The following PABIR2 variants were observed in gnomAD, a reference collection of about 807,000 sequenced individuals.
The protein encoded by PABIR2 is PABIR family member 2.
PABIR2 carries 7 observed loss-of-function variants against 22.8 expected under a neutral mutation model. That is an observed-to-expected ratio of 0.31 (90% confidence interval 0.17 to 0.58). The LOEUF (loss-of-function observed/expected upper bound fraction) is 0.58. PABIR2 is among the 20% of genes least tolerant of loss of function. PABIR2 has a pLI of 0.89. For missense variants in PABIR2, 155 were observed against 205.1 expected (o/e 0.76, Z 1.49); for synonymous variants, 67 against 73.8 (o/e 0.91, Z 0.47).
intron 1 of PABIR2, 86 bp from the exon 2 acceptor site, chrX:134,793,979 A>G (rs752056562): frequency 1.5e-5 from 17 of 1,136,952 alleles, no homozygotes; most frequent in Non-Finnish European, 2.0e-5. Context: ...CATTAGCATC[A>G]GTTATCTAGT....
chrX:134,796,480 G>T lies in PABIR2; in HGVS notation c.-275C>A. The T allele has an allele frequency of 3.2e-6, 1 of 309,153 alleles. No individual in the cohort carries two copies. Among genetic ancestry groups the T allele is most frequent in the Non-Finnish European group, 5.7e-6 (1 of 174,245 alleles). The allele number at this position is 309,153 out of a possible 1,213,427, so 25.5% of individuals were successfully genotyped here. A position where few individuals can be genotyped will look rare whatever the true frequency, so the allele number is the denominator to read the frequency against. On this transcript the variant is annotated 5_prime_UTR_variant, in exon 1 of 10. Transcript: ENST00000343004. Reference sequence around the variant, plus strand: ...TGGAAGGTGACAGAATGAAGGAAAAGGATGAAGGAAAGAAGGATGGAGGGA... The same window carrying T: ...TGGAAGGTGACAGAATGAAGGAAAATGATGAAGGAAAGAAGGATGGAGGGA...
In PABIR2 at chrX:134,796,149, G is replaced by T; in HGVS notation, c.57C>A (p.Thr19=). ...GGGGAGCGCTGCTGGATCTCCTCAGGGTTCCCCCATAAGATGTGTCAGGCT... is the reference window on the plus strand; with the variant it reads ...GGGGAGCGCTGCTGGATCTCCTCAGTGTTCCCCCATAAGATGTGTCAGGCT... ...DLEPDTSYGG[T]LRRSSSAPLI... is the part of the protein sequence containing the mutation. Residue 19 remains threonine, a synonymous_variant, in exon 1 of 10, where the codon ACC becomes ACA. Transcript: ENST00000343004. 1 of 1,210,786 alleles carries T rather than the reference G, an allele frequency of 8.3e-7. No homozygotes were observed. The highest frequency in any genetic ancestry group is 3.0e-5 in the East Asian group (1 of 33,781).
chrX:134,781,667 T>A (rs1312778314), intron 9 of PABIR2, among the ~76,000 whole-genome samples, 154 bp downstream of exon 9: 1 of 111,879 alleles, frequency 8.9e-6, no homozygotes, highest in Non-Finnish European at 1.9e-5. Flanking sequence ...ATCTGTTTTA[T>A]AATATTGTCA....
chrX:134,789,535 T>A, intron 3 of PABIR2, 45 bp downstream of exon 3: 3 of 1,107,067 alleles, frequency 2.7e-6, no homozygotes, highest in Non-Finnish European at 3.6e-6. Flanking sequence ...AATAAAAATG[T>A]AAAATCCAAA....
chrX:134,776,635 G>GA (rs1245894383), intron 9 of PABIR2, among the ~76,000 whole-genome samples: 1 of 109,843 alleles, frequency 9.1e-6, no homozygotes, highest in Admixed American at 9.7e-5. Context: ...GAAAAGAAAA[G>GA]AAAAGAAAAA....
intron 9 of PABIR2, among the ~76,000 whole-genome samples, chrX:134,777,029 G>A (rs985538780): frequency 8.9e-6 from 1 of 112,202 alleles, no homozygotes; most frequent in Non-Finnish European, 1.9e-5. Flanking sequence ...CAGTCAATAA[G>A]CTGGGTTCTA....
In PABIR2 at chrX:134,788,811, C is replaced by T. The variant is rs758668432; in HGVS notation, c.354G>A (p.Lys118=). 2 of 1,207,797 alleles carry T rather than the reference C, an allele frequency of 1.7e-6. No individual in the cohort carries two copies. The highest frequency in any genetic ancestry group is 4.4e-5 in the Admixed American group (2 of 45,671). The change falls in exon 6 of 10, where the codon AAG becomes AAA. Residue 118 remains lysine, a synonymous_variant. Coordinates refer to ENST00000343004, the MANE Select transcript of PABIR2 (RefSeq NM_001387468.1). The stretch of plus-strand genomic sequence containing the variant: ...TCTTAGGAGAATATAATTTCTCCGG[C>T]TTGTCAAAATCACTGTCACTCTGTA... The part of the protein sequence containing the change: ...SLSLSDSDFD[K]PEKLYSPKRI...
At chrX:134,789,002 G>A (rs1274354309) in intron 5 of PABIR2, 83 bp downstream of exon 5, 5 of 1,126,385 alleles carry the variant, frequency 4.4e-6, no homozygotes, top group South Asian at 1.9e-5. Flanking sequence ...GGGGAAAGAA[G>A]TGTGCGAAAA....
In PABIR2 at chrX:134,771,173, C is replaced by T; in HGVS notation, c.*966G>A. 1 of 589,467 alleles carries T rather than the reference C, an allele frequency of 1.7e-6. No homozygotes were observed. Among genetic ancestry groups the T allele is most frequent in the Non-Finnish European group, 2.4e-6 (1 of 411,635 alleles). 48.6% of individuals were successfully genotyped at this position (589,467 alleles called of 1,213,427 possible). A position where few individuals can be genotyped will look rare whatever the true frequency, so the allele number is the denominator to read the frequency against. ...CTCTTCCACCATACCTTATGATATA[C>T]ATCCCTTATAGCATGACAATGTACC... On this transcript the variant is annotated 3_prime_UTR_variant, in exon 10 of 10. Transcript: ENST00000343004.
intron 9 of PABIR2, among the ~76,000 whole-genome samples, chrX:134,778,302 C>T (rs1317555791): frequency 1.9e-5 from 2 of 103,467 alleles, no homozygotes; most frequent in South Asian, 4.5e-4. Context: ...GTCAGGAGTT[C>T]GATACCAGCC....
At chrX:134,774,949 C>G (rs2078928942) in intron 9 of PABIR2, among the ~76,000 whole-genome samples, 1 of 112,137 alleles carries the variant, frequency 8.9e-6, no homozygotes, top group African/African-American at 3.2e-5. Flanking sequence ...AGCAACATCA[C>G]TGCACAAAAG....
chrX:134,775,326 C>T lies in PABIR2; in HGVS notation c.660-3043G>A, dbSNP rs1040871388. Reference sequence around the variant, plus strand: ...TGGGCGGATCACGAAGTCAGGAGATCGAGACCACGGCGAAACCCCGTCTCT... The same window carrying T: ...TGGGCGGATCACGAAGTCAGGAGATTGAGACCACGGCGAAACCCCGTCTCT... On this transcript the variant is annotated intron_variant, in intron 9 of 9. Coordinates refer to ENST00000343004, the MANE Select transcript of PABIR2 (RefSeq NM_001387468.1). 2.7e-5 allele frequency among the ~76,000 whole-genome samples: 3 copies of T among 109,538 alleles called. No individual in the cohort carries two copies. In the Admixed American group the frequency reaches 3.0e-4, roughly 11 times the overall value.
Position 134,793,814 on chromosome X carries a change from C to G in PABIR2, c.177+1G>C. On this transcript the variant is annotated splice_donor_variant, in intron 2 of 9. Coordinates refer to ENST00000343004, the MANE Select transcript of PABIR2 (RefSeq NM_001387468.1). LOFTEE classifies it high-confidence loss of function. ...CTTCAGATACTTACTTCTATACTTA[C>G]CAGGCTGTGACGGCTCATAATTGTT... is the stretch of plus-strand genomic sequence containing the variant. 1 of 1,208,125 alleles carries G rather than the reference C, an allele frequency of 8.3e-7. No individual in the cohort carries two copies. Among genetic ancestry groups the G allele is most frequent in the Non-Finnish European group, 1.1e-6 (1 of 892,734 alleles).
At chrX:134,788,069 T>C (rs1178684122) in intron 6 of PABIR2, among the ~76,000 whole-genome samples, 1 of 107,882 alleles carries the variant, frequency 9.3e-6, no homozygotes. Flanking sequence ...GTTATATATA[T>C]GTAATATACA....
chrX:134,795,493 T>C (rs1200052196), intron 1 of PABIR2, among the ~76,000 whole-genome samples: 3 of 111,354 alleles, frequency 2.7e-5, no homozygotes, highest in Non-Finnish European at 5.7e-5. Flanking sequence ...ACCACTGAAA[T>C]TGAAGAGTCG....
At position 134,776,986 on chromosome X, in the gene PABIR2, A is replaced by C. The variant is rs766976616; in HGVS notation, c.660-4703T>G. ...GATATCCGGTTTGATTCATGTTATC[A>C]CCCCATCTGGCTGAACCACTTTGTG... On this transcript the variant is annotated intron_variant, in intron 9 of 9. Coordinates refer to ENST00000343004, the MANE Select transcript of PABIR2 (RefSeq NM_001387468.1). 2.7e-5 allele frequency among the ~76,000 whole-genome samples: 3 copies of C among 112,523 alleles called. No homozygotes were observed. The South Asian group carries it at 1.1e-3, about 41-fold the overall frequency.
intron 9 of PABIR2, among the ~76,000 whole-genome samples, chrX:134,778,488 G>C (rs2079061002): frequency 1.1e-5 from 1 of 89,434 alleles, no homozygotes; most frequent in Admixed American, 1.3e-4. Context: ...TGGGCAACCA[G>C]AGCGAAACTC....
intron 9 of PABIR2, among the ~76,000 whole-genome samples, chrX:134,773,716 A>G (rs766234475): frequency 6.8e-5 from 7 of 102,835 alleles, no homozygotes; most frequent in African/African-American, 1.4e-4. Context: ...AGAAGGAATT[A>G]TGAATCAGGA....
chrX:134,792,675 C>T lies in PABIR2; in HGVS notation c.177+1140G>A, dbSNP rs188255310. 1.8e-3 allele frequency among the ~76,000 whole-genome samples: 199 copies of T among 112,203 alleles called. 1 individual carries two copies. Among genetic ancestry groups the T allele is most frequent in the Non-Finnish European group, 3.0e-3 (161 of 53,212 alleles). ...CCAGTTCTACCACTTACTAATTGTG[C>T]GATTCTGAGCAAGTGACTTCTAACG... is the stretch of plus-strand genomic sequence containing the variant. On this transcript the variant is annotated intron_variant, in intron 2 of 9. Transcript: ENST00000343004.
Sources: gnomAD v4.1 joint callset for allele counts (sites outside exome capture counted in the v4.1 genomes callset) on GRCh38, gnomAD v4.1.1 for gene constraint, MANE v1.5 for transcripts, NCBI Gene and HGNC (gene_info 2026-07-23, HGNC 2026-07-21) for gene names.